ERC1: variants seen among roughly 807,000 people sequenced by gnomAD.
The protein encoded by ERC1 is RAB6 interacting protein 2.
Under a neutral mutation model 132.0 loss-of-function variants are expected in ERC1, and 56 were observed. The ratio of observed to expected loss-of-function variants is 0.42; its 90% CI spans 0.34 to 0.53. The LOEUF is 0.53. ERC1 is among the 20% of genes least tolerant of loss of function. The pLI is 0.03. For missense variants in ERC1, 1,202 were observed against 1,349.9 expected (o/e 0.89, Z 1.72); for synonymous variants, 478 against 476.1 (o/e 1.00, Z -0.05).
chr12:1,045,785 T>C (rs1970988172), intron 2 of ERC1, among the ~76,000 whole-genome samples: 1 of 152,156 alleles, frequency 6.6e-6, no homozygotes, highest in South Asian at 2.1e-4. Flanking sequence ...ATGTAAAAGA[T>C]GGCATTAAAA....
intron 12 of ERC1, chr12:1,190,281 T>A: frequency 1.5e-6 from 1 of 646,564 alleles, no homozygotes; most frequent in South Asian, 1.5e-5. Context: ...TGTAACATAA[T>A]TGATTGGCAA....
intron 18 of ERC1, among the ~76,000 whole-genome samples, chr12:1,456,557 C>A (rs1448137648): frequency 6.6e-6 from 1 of 152,016 alleles, no homozygotes; most frequent in Non-Finnish European, 1.5e-5. Flanking sequence ...ATCTTGTATA[C>A]ATTGAAGAAC....
intron 2 of ERC1, among the ~76,000 whole-genome samples, chr12:1,054,962 C>G (rs1490450180): frequency 6.6e-6 from 1 of 152,080 alleles, no homozygotes; most frequent in African/African-American, 2.4e-5. Context: ...TGGAATTATT[C>G]TTAAGAGTAA....
chr12:1,488,218 C>T (rs997772102), intron 18 of ERC1, among the ~76,000 whole-genome samples: 13 of 151,826 alleles, frequency 8.6e-5, no homozygotes, highest in African/African-American at 2.4e-4. Context: ...TGGGCTCAAG[C>T]GATTCCCCCA....
At chr12:1,112,113 T>C in intron 5 of ERC1, 102 bp from the exon 6 acceptor site, 2 of 743,572 alleles carry the variant, frequency 2.7e-6, no homozygotes, top group Non-Finnish European at 4.7e-6. Context: ...GATTGTATTA[T>C]ATAAGTTATT....
chr12:1,115,641 A>C, intron 6 of ERC1: 2 of 432,792 alleles, frequency 4.6e-6, no homozygotes, highest in Non-Finnish European at 4.1e-6. Context: ...AGACACAATA[A>C]ATGAAAACTG....
intron 1 of ERC1, among the ~76,000 whole-genome samples, chr12:998,955 G>A (rs1044113402): frequency 2.0e-5 from 3 of 150,692 alleles, no homozygotes; most frequent in African/African-American, 7.4e-5. Flanking sequence ...CGCCTCCTGG[G>A]TTCAAGTGAT....
intron 2 of ERC1, among the ~76,000 whole-genome samples, chr12:1,063,625 T>A (rs1457539764): frequency 6.6e-6 from 1 of 151,378 alleles, no homozygotes; most frequent in Non-Finnish European, 1.5e-5. Context: ...CAGCATATAG[T>A]TGAGTCTTTT....
intron 1 of ERC1, among the ~76,000 whole-genome samples, chr12:994,051 G>A (rs1352665627): frequency 1.8e-5 from 2 of 111,756 alleles, no homozygotes; most frequent in East Asian, 5.9e-4. Context: ...CCTGAGTCAC[G>A]GCAAAACTCC....
At chr12:1,484,298 C>T (rs1288036932) in intron 18 of ERC1, among the ~76,000 whole-genome samples, 9 of 149,750 alleles carry the variant, frequency 6.0e-5, no homozygotes, top group Non-Finnish European at 7.4e-5. Context: ...AGCGAGACTC[C>T]GTCTCAAAAA....
chr12:1,295,729 G>C (rs947008420), intron 15 of ERC1, among the ~76,000 whole-genome samples: 2 of 151,978 alleles, frequency 1.3e-5, no homozygotes, highest in Non-Finnish European at 2.9e-5. Context: ...GTCTCACCGA[G>C]ATAGAGAAGC....
chr12:1,126,986 CAAA>C (rs71055135), intron 7 of ERC1, among the ~76,000 whole-genome samples: 20 of 114,204 alleles, frequency 1.8e-4, no homozygotes, highest in African/African-American at 8.1e-4. Context: ...GATTCTGTCT[CAAA>C]AAAAAAAAAA....
intron 13 of ERC1, among the ~76,000 whole-genome samples, chr12:1,259,980 G>A (rs2077046445): frequency 6.6e-6 from 1 of 152,124 alleles, no homozygotes; most frequent in Non-Finnish European, 1.5e-5. Flanking sequence ...CTCTGCTGTA[G>A]TGTGTAGTTA....
chr12:1,226,100 C>T (rs573725638), intron 12 of ERC1, among the ~76,000 whole-genome samples: 116 of 152,056 alleles, frequency 7.6e-4, no homozygotes, highest in Non-Finnish European at 1.3e-3. Flanking sequence ...CTTTTTATTT[C>T]CTCTAGTGAT....
At chr12:1,434,472 G>A in intron 17 of ERC1, among the ~76,000 whole-genome samples, 1 of 152,128 alleles carries the variant, frequency 6.6e-6, no homozygotes, top group East Asian at 1.9e-4. Flanking sequence ...TGTACCCCTT[G>A]GAACTTCCTT....
chr12:1,207,938 T>C (rs935124017), intron 12 of ERC1, among the ~76,000 whole-genome samples: 2 of 152,226 alleles, frequency 1.3e-5, no homozygotes. Flanking sequence ...GTATGTCTTA[T>C]AATAACTATT....
intron 13 of ERC1, among the ~76,000 whole-genome samples, chr12:1,255,206 T>A (rs1243147646): frequency 6.6e-6 from 1 of 152,076 alleles, no homozygotes; most frequent in Non-Finnish European, 1.5e-5. Flanking sequence ...TTTGGTTTTC[T>A]GTTCTTGTGT....
At position 1,104,788 on chromosome 12, in the gene ERC1, C is replaced by A; in HGVS notation, c.1125C>A (p.Ala375=). ...GGTTTGAGAATGCTCCTGATTCTGC[C>A]AAAACAAAAGCTCTGCAAACTGTTA... ...HRRFENAPDS[A]KTKALQTVIE... Residue 375 remains alanine, a synonymous_variant, in exon 4 of 19, where the codon GCC becomes GCA. Coordinates refer to ENST00000360905, the MANE Select transcript of ERC1 (RefSeq NM_178040.4). 6.2e-7 allele frequency: 1 copy of A among 1,613,304 alleles called. No individual in the cohort carries two copies. Among genetic ancestry groups the A allele is most frequent in the South Asian group, 1.1e-5 (1 of 91,038 alleles).
At chr12:1,486,864 A>G (rs1248386666) in intron 18 of ERC1, among the ~76,000 whole-genome samples, 2 of 152,238 alleles carry the variant, frequency 1.3e-5, no homozygotes, top group African/African-American at 4.8e-5. Flanking sequence ...AATAAAGACT[A>G]TTTCATGGGA....
Sources: gnomAD v4.1 joint callset for allele counts (sites outside exome capture counted in the v4.1 genomes callset) on GRCh38, gnomAD v4.1.1 for gene constraint, MANE v1.5 for transcripts, NCBI Gene and HGNC (gene_info 2026-07-23, HGNC 2026-07-21) for gene names.